Variants in MCTS2 observed in about 807,000 individuals in gnomAD.
The protein encoded by MCTS2 is MCTS family member 2, also known as malignant T-cell-amplified sequence 2.
At chr20:31,547,901 C>T in the MCTS2 span, 1 of 1,084,698 alleles carries the variant, frequency 9.2e-7, no homozygotes, top group Non-Finnish European at 1.4e-6. Context: ...ACGATTGTAG[C>T]AGTCACAGCG....
chr20:31,547,874 A>G, the MCTS2 span: 14 of 988,226 alleles, frequency 1.4e-5, no homozygotes, highest in South Asian at 1.8e-4. Context: ...GCTAAGCTGT[A>G]CCCTGCTGCA....
chr20:31,547,448 C>G, the MCTS2 span: 1 of 565,828 alleles, frequency 1.8e-6, no homozygotes, highest in Non-Finnish European at 3.2e-6. Flanking sequence ...GGGGACTCCA[C>G]CGGAGCCTTG....
the MCTS2 span, chr20:31,547,503 C>T: frequency 7.1e-6 from 5 of 703,580 alleles, no homozygotes; most frequent in African/African-American, 9.2e-5. Context: ...CACCCTGGAT[C>T]ATGTTCAAGA....
chr20:31,547,953 G>T, the MCTS2 span: 1 of 1,455,680 alleles, frequency 6.9e-7, no homozygotes, highest in Non-Finnish European at 9.7e-7. Flanking sequence ...TCATGAAGAT[G>T]TCTGCAGAAG....
chr20:31,547,450 G>A, the MCTS2 span: 4 of 566,854 alleles, frequency 7.1e-6, no homozygotes, highest in Non-Finnish European at 1.3e-5. Context: ...GGACTCCACC[G>A]GAGCCTTGCC....
At chr20:31,547,408 C>G in the MCTS2 span, 3 of 447,846 alleles carry the variant, frequency 6.7e-6, no homozygotes, top group Non-Finnish European at 1.2e-5. Context: ...GTCTGGCAGG[C>G]CGCGTGGCGC....
At chr20:31,547,773 T>C in the MCTS2 span, 1 of 952,742 alleles carries the variant, frequency 1.0e-6, no homozygotes, top group African/African-American at 1.6e-5. Flanking sequence ...AATACCCTTT[T>C]ATCCTGCCAC....
At chr20:31,547,924 C>A in the MCTS2 span, 1 of 1,242,294 alleles carries the variant, frequency 8.0e-7, no homozygotes, top group Non-Finnish European at 1.2e-6. Flanking sequence ...AGGAAAACAG[C>A]ATGCTCTGTG....
At chr20:31,547,488 C>A in the MCTS2 span, 2 of 647,642 alleles carry the variant, frequency 3.1e-6, no homozygotes, top group East Asian at 3.0e-5. Context: ...TGTTGTCGCC[C>A]GCTTCACCCT....
the MCTS2 span, chr20:31,547,854 T>A: frequency 3.1e-6 from 3 of 965,640 alleles, no homozygotes; most frequent in Non-Finnish European, 5.1e-6. Context: ...CAGGTTTAAC[T>A]TCTCCTGGAG....
At chr20:31,547,441 G>A in the MCTS2 span, 3 of 538,192 alleles carry the variant, frequency 5.6e-6, no homozygotes, top group East Asian at 7.0e-5. Context: ...TCCTGCAGGG[G>A]ACTCCACCGG....
chr20:31,547,453 G>T, the MCTS2 span: 1 of 577,974 alleles, frequency 1.7e-6, no homozygotes, highest in East Asian at 3.2e-5. Context: ...CTCCACCGGA[G>T]CCTTGCCAAT....
chr20:31,547,837 A>G, the MCTS2 span: 4 of 932,948 alleles, frequency 4.3e-6, no homozygotes, highest in South Asian at 2.6e-5. Flanking sequence ...CGCAAATATT[A>G]TGTGTCCAGG....
the MCTS2 span, chr20:31,547,494 AC>A: frequency 1.5e-6 from 1 of 677,432 alleles, no homozygotes; most frequent in Non-Finnish European, 2.6e-6. Context: ...CGCCCGCTTC[AC>A]CCTGGATCAT....
the MCTS2 span, chr20:31,547,647 T>G: frequency 2.5e-6 from 4 of 1,572,608 alleles, no homozygotes; most frequent in East Asian, 9.0e-5. Context: ...CTAAGAAAGA[T>G]CCTGTCAAAA....
At chr20:31,547,610 T>TTGAA in the MCTS2 span, 2 of 1,574,574 alleles carry the variant, frequency 1.3e-6, no homozygotes, top group Non-Finnish European at 1.7e-6. Context: ...TTTCCAGGTA[T>TTGAA]TGAACCATGG....
At chr20:31,547,691 C>T in the MCTS2 span, 2 of 1,370,254 alleles carry the variant, frequency 1.5e-6, no homozygotes, top group Non-Finnish European at 2.0e-6. Flanking sequence ...GAAATCCTTA[C>T]CGTAAGTGGG....
At chr20:31,547,449 C>T in the MCTS2 span, 1 of 567,138 alleles carries the variant, frequency 1.8e-6, no homozygotes, top group Admixed American at 3.3e-5. Flanking sequence ...GGGACTCCAC[C>T]GGAGCCTTGC....
Sources: gnomAD v4.1 joint callset for allele counts on GRCh38, gnomAD v4.1.1 for gene constraint, MANE v1.5 for transcripts, NCBI Gene and HGNC (gene_info 2026-07-23, HGNC 2026-07-21) for gene names.